Variants in CD47 observed in about 807,000 individuals in gnomAD.
CD47 encodes the protein leukocyte surface antigen CD47.
CD47 carries 11 observed loss-of-function variants against 44.6 expected under a neutral mutation model. The observed-to-expected ratio is 0.25, with a 90% CI of 0.16 to 0.41. The LOEUF (loss-of-function observed/expected upper bound fraction) is 0.41. CD47 is among the 10% of genes least tolerant of loss of function. The pLI is 1.00. For synonymous variants in CD47, 140 were observed against 136.3 expected (o/e 1.03, Z -0.19); for missense variants, 306 against 386.7 (o/e 0.79, Z 1.75).
intron 1 of CD47, among the ~76,000 whole-genome samples, chr3:108,081,911 C>T (rs1303861341): frequency 6.6e-6 from 1 of 151,900 alleles, no homozygotes; most frequent in Non-Finnish European, 1.5e-5. Flanking sequence ...TTGTGGGCAT[C>T]CACAGCTCAC....
At chr3:108,068,172 T>A (rs2079136765) in intron 3 of CD47, among the ~76,000 whole-genome samples, 1 of 152,210 alleles carries the variant, frequency 6.6e-6, no homozygotes, top group Non-Finnish European at 1.5e-5. Context: ...AATATACATC[T>A]AAGCAGGTGG....
chr3:108,048,371 GTTTTTTTTTTTTTTTTT>G (rs146476512), intron 10 of CD47, among the ~76,000 whole-genome samples: 1 of 79,582 alleles, frequency 1.3e-5, no homozygotes, highest in African/African-American at 5.0e-5. Context: ...TGACTGGAGT[GTTTTTTTTTTTTTTTTT>G]TTTTTTTTTT....
intron 1 of CD47, among the ~76,000 whole-genome samples, chr3:108,082,001 T>A (rs2079429821): frequency 6.6e-6 from 1 of 151,952 alleles, no homozygotes; most frequent in African/African-American, 2.4e-5. Flanking sequence ...TTGCATTCTT[T>A]AAAACTTTGG....
chr3:108,062,147 A>G (rs949416663), intron 3 of CD47, among the ~76,000 whole-genome samples: 2 of 152,098 alleles, frequency 1.3e-5, no homozygotes, highest in Admixed American at 1.3e-4. Flanking sequence ...CAGAGAAGAG[A>G]AACCCATATT....
At chr3:108,086,622 A>G (rs2079526698) in intron 1 of CD47, among the ~76,000 whole-genome samples, 1 of 152,206 alleles carries the variant, frequency 6.6e-6, no homozygotes, top group Non-Finnish European at 1.5e-5. Context: ...CTTAAAATAT[A>G]TTAAGTGGCA....
intron 2 of CD47, among the ~76,000 whole-genome samples, chr3:108,073,606 G>A (rs937231909): frequency 5.9e-5 from 9 of 152,244 alleles, no homozygotes; most frequent in African/African-American, 9.6e-5. Flanking sequence ...CTGGAATTCA[G>A]TGATGAGATC....
chr3:108,059,362 GT>G (rs1332629484), intron 5 of CD47, 89 bp downstream of exon 5: 3 of 585,632 alleles, frequency 5.1e-6, no homozygotes, highest in African/African-American at 4.0e-5. Context: ...TTATTGAGTT[GT>G]AAAAAATTTA....
At chr3:108,057,950 G>T (rs1230769161) in intron 6 of CD47, among the ~76,000 whole-genome samples, 2 of 152,060 alleles carry the variant, frequency 1.3e-5, no homozygotes, top group Non-Finnish European at 2.9e-5. Context: ...TTACCACTGG[G>T]GTAAATTGGA....
intron 5 of CD47, among the ~76,000 whole-genome samples, chr3:108,058,781 C>A (rs1201984129): frequency 2.0e-5 from 3 of 152,180 alleles, no homozygotes; most frequent in Non-Finnish European, 2.9e-5. Context: ...GCTGAGGGAA[C>A]CATTATGCAA....
intron 1 of CD47, among the ~76,000 whole-genome samples, chr3:108,084,226 G>A (rs1338232808): frequency 6.6e-6 from 1 of 151,796 alleles, no homozygotes; most frequent in African/African-American, 2.4e-5. Flanking sequence ...CATTACTACA[G>A]CTCTTGCCAA....
chr3:108,070,383 G>A (rs778151925), intron 3 of CD47, among the ~76,000 whole-genome samples: 27 of 152,128 alleles, frequency 1.8e-4, no homozygotes, highest in Non-Finnish European at 3.1e-4. Context: ...CATTAATTTT[G>A]TAAATTTTCT....
intron 2 of CD47, among the ~76,000 whole-genome samples, chr3:108,073,037 G>A (rs1317471584): frequency 7.1e-6 from 1 of 140,428 alleles, no homozygotes; most frequent in African/African-American, 2.7e-5. Context: ...CCTCATTTCA[G>A]TCGTGGTGAC....
intron 8 of CD47, chr3:108,050,981 T>C (rs1485143684): frequency 8.7e-6 from 2 of 230,710 alleles, no homozygotes; most frequent in Non-Finnish European, 1.8e-5. Flanking sequence ...TATCGCAAAT[T>C]GAACTCAGTA....
rs2078720379 is a variant in CD47, at chr3:108,046,227, T to C, written c.*1061A>G. 1 of 152,650 alleles carries C rather than the reference T, an allele frequency of 6.6e-6. No individual in the cohort carries two copies. The highest frequency in any genetic ancestry group is 1.5e-5 in the Non-Finnish European group (1 of 68,044). The allele number at this position is 152,650 out of a possible 1,614,324, so 9.5% of individuals were successfully genotyped here. On this transcript the variant is annotated 3_prime_UTR_variant, in exon 11 of 11. Transcript: ENST00000361309. ...TCATGCAACATAGATACAACAGTAA[T>C]AAATCCCCATTCAAGGGCTGGCCTG...
chr3:108,053,840 A>G (rs1026273176), intron 7 of CD47: 2 of 152,238 alleles, frequency 1.3e-5, no homozygotes, highest in African/African-American at 4.8e-5. Context: ...AAAGTAGAAC[A>G]GGGTAAAATG....
chr3:108,048,606 G>C (rs553824966), intron 10 of CD47, among the ~76,000 whole-genome samples: 3 of 151,840 alleles, frequency 2.0e-5, no homozygotes, highest in Admixed American at 6.6e-5. Context: ...GGATGGTCTC[G>C]ATCTCCTGAC....
At chr3:108,078,907 T>A (rs918921206) in intron 2 of CD47, among the ~76,000 whole-genome samples, 13 of 152,184 alleles carry the variant, frequency 8.5e-5, no homozygotes, top group Middle Eastern at 3.4e-3. Context: ...TCTATTGTCA[T>A]CTCCATTTCG....
In CD47 at chr3:108,090,849, G is replaced by C. The variant is rs974958790; in HGVS notation, c.46+14C>G. The C allele has an allele frequency of 1.3e-6, 2 of 1,486,516 alleles. No homozygotes were observed. Among genetic ancestry groups the C allele is most frequent in the Admixed American group, 2.2e-5 (1 of 46,320 alleles). The allele number at this position is 1,486,516 out of a possible 1,614,324, so 92.1% of individuals were successfully genotyped here. A position where few individuals can be genotyped will look rare whatever the true frequency, so the allele number is the denominator to read the frequency against. ...CGACAGCAGCCGCAGGGCTGGGAGC[G>C]AGGAGCCACTCACCGCAGCACGCCG... is the stretch of plus-strand genomic sequence containing the variant. On this transcript the variant is annotated intron_variant, in intron 1 of 10. Coordinates refer to ENST00000361309, the MANE Select transcript of CD47 (RefSeq NM_001777.4).
intron 3 of CD47, among the ~76,000 whole-genome samples, chr3:108,061,701 T>C (rs1179188021): frequency 6.6e-6 from 1 of 152,156 alleles, no homozygotes; most frequent in Non-Finnish European, 1.5e-5. Flanking sequence ...TGGTTAATAT[T>C]GAAGTTGATT....
Sources: allele counts gnomAD v4.1 joint callset (sites outside exome capture counted in the v4.1 genomes callset), GRCh38; gene constraint gnomAD v4.1.1; transcripts MANE v1.5; gene names NCBI Gene and HGNC (gene_info 2026-07-23, HGNC 2026-07-21).